The following USP34 variants were observed in gnomAD, a reference collection of about 807,000 sequenced individuals.
The protein encoded by USP34 is ubiquitin carboxyl-terminal hydrolase 34.
A neutral mutation model predicts 460.3 loss-of-function variants in USP34; 70 were observed. The observed-to-expected ratio is 0.15, with a 90% confidence interval of 0.13 to 0.19. USP34 has a LOEUF of 0.19. Among genes scored for constraint, USP34 ranks in the 10% least tolerant of loss-of-function variants. The pLI, the probability that USP34 is intolerant of heterozygous loss-of-function variation, is 1.00. For missense variants in USP34, 3,985 were observed against 4,236.2 expected (o/e 0.94, Z 1.65); for synonymous variants, 1,647 against 1,405.3 (o/e 1.17, Z -3.85).
At chr2:61,254,476 A>T (rs1400027283) in intron 48 of USP34, among the ~76,000 whole-genome samples, 1 of 152,240 alleles carries the variant, frequency 6.6e-6, no homozygotes, top group Non-Finnish European at 1.5e-5. Context: ...TACACTACTT[A>T]AAAATGCAGG....
chr2:61,391,231 A>G (rs1693335895), intron 5 of USP34, among the ~76,000 whole-genome samples: 1 of 152,176 alleles, frequency 6.6e-6, no homozygotes, highest in African/African-American at 2.4e-5. Context: ...GGATCATTTG[A>G]GCCCAGGAGT....
At position 61,333,892 on chromosome 2, in the gene USP34, A is replaced by G. The variant is rs1274349176; in HGVS notation, c.2824T>C (p.Trp942Arg). 1 of 1,569,278 alleles carries G rather than the reference A, an allele frequency of 6.4e-7. No homozygotes were observed. The highest frequency in any genetic ancestry group is 8.6e-7 in the Non-Finnish European group (1 of 1,157,706). ...QQFGSSYDTH[W>R]ITMWAEKELN... ...CTTTTATTTACTTACATTGTTATCC[A>G]GTGTGTATCGTAACTGCTCCCAAAC... The change falls in exon 19 of 80, where the codon TGG (tryptophan) becomes CGG (arginine). Residue 942 changes from tryptophan (W) to arginine (R), a missense_variant. By Grantham distance (101) the Trp-to-Arg change is moderately radical (BLOSUM62 -3). Around this residue, in one of 14 missense-constraint regions of USP34, gnomAD observed 1,114 missense variants for 1,122.5 expected, o/e 0.99. Transcript: ENST00000398571.
intron 5 of USP34, among the ~76,000 whole-genome samples, chr2:61,389,663 T>G (rs1284066688): frequency 6.6e-6 from 1 of 152,162 alleles, no homozygotes; most frequent in Non-Finnish European, 1.5e-5. Context: ...TCAGCATTCT[T>G]TAACACTACT....
At position 61,380,247 on chromosome 2, in the gene USP34, T is replaced by C; in HGVS notation, c.936A>G (p.Lys312=). 1 of 1,614,174 alleles carries C rather than the reference T, an allele frequency of 6.2e-7. No individual in the cohort carries two copies. Among genetic ancestry groups the C allele is most frequent in the South Asian group, 1.1e-5 (1 of 91,078 alleles). The part of the protein sequence containing the change: ...EPLDTTLCFD[K]ESLDLAFKYF... ...ACTTAAATGCAAGATCTAGGCTTTC[T>C]TTATCAAAGCATAATGTTGTATCCA... The change falls in exon 7 of 80, where the codon AAA becomes AAG. Residue 312 remains lysine (K), a synonymous_variant. Coordinates refer to ENST00000398571, the MANE Select transcript of USP34 (RefSeq NM_014709.4).
chr2:61,404,717 C>T (rs931264785), intron 3 of USP34, among the ~76,000 whole-genome samples: 12 of 152,132 alleles, frequency 7.9e-5, no homozygotes, highest in African/African-American at 2.9e-4. Context: ...ATAACTCAGC[C>T]TACACAAAAC....
intron 10 of USP34, among the ~76,000 whole-genome samples, chr2:61,367,012 G>A (rs773356068): frequency 1.3e-4 from 20 of 152,134 alleles, no homozygotes; most frequent in Non-Finnish European, 7.4e-5. Flanking sequence ...CTCCACCACC[G>A]TACTCTAGCC....
At chr2:61,273,538 G>A (rs1370821876) in intron 41 of USP34, among the ~76,000 whole-genome samples, 1 of 152,184 alleles carries the variant, frequency 6.6e-6, no homozygotes, top group African/African-American at 2.4e-5. Flanking sequence ...GACCAACATG[G>A]TGAAACCCTT....
Position 61,221,554 on chromosome 2 carries a change from C to T in USP34, c.7847G>A (p.Gly2616Glu), listed in dbSNP as rs1687585302. The change falls in exon 66 of 80, where the codon GGA becomes GAA. Residue 2616 changes from glycine to glutamate, a missense_variant. By Grantham distance (98) the Gly-to-Glu change is moderately conservative. Coordinates refer to ENST00000398571, the MANE Select transcript of USP34 (RefSeq NM_014709.4). ...TGCAAAGGGAGGCATTCCTGGAGGT[C>T]CACCAGCAAACTCCATTAGCATAGT... is the stretch of plus-strand genomic sequence containing the variant. ...LLTMLMEFAGGPPGMPPFASY... is the reference protein window; with the variant it reads ...LLTMLMEFAGEPPGMPPFASY... The T allele has an allele frequency of 5.6e-6, 9 of 1,614,080 alleles. No homozygotes were observed. Among genetic ancestry groups the T allele is most frequent in the Non-Finnish European group, 6.8e-6 (8 of 1,179,962 alleles).
chr2:61,305,126 C>G (rs1396012975), intron 27 of USP34, among the ~76,000 whole-genome samples: 1 of 152,114 alleles, frequency 6.6e-6, no homozygotes, highest in Non-Finnish European at 1.5e-5. Context: ...GAGCTCGAGA[C>G]CAGCCTGGCC....
intron 1 of USP34, among the ~76,000 whole-genome samples, chr2:61,445,110 C>A (rs1695071538): frequency 6.8e-6 from 1 of 147,944 alleles, no homozygotes; most frequent in African/African-American, 2.5e-5. Flanking sequence ...TAAAAATGAA[C>A]TTTAGAAAAC....
At chr2:61,313,548 T>C (rs961208731) in intron 25 of USP34, among the ~76,000 whole-genome samples, 1 of 152,136 alleles carries the variant, frequency 6.6e-6, no homozygotes, top group Non-Finnish European at 1.5e-5. Context: ...CAGTGTAATA[T>C]CTGAATTTTA....
At position 61,349,274 on chromosome 2, in the gene USP34, GCTC is replaced by G; in HGVS notation, c.1516_1518del (p.Glu506del). The G allele has an allele frequency of 6.2e-7, 1 of 1,613,322 alleles. No homozygotes were observed. The highest frequency in any genetic ancestry group is 8.5e-7 in the Non-Finnish European group (1 of 1,179,742). ...CAAGGTGATGGAGCTGTTCTTCTAA[GCTC>G]TTCTTCCTCTGAAGGAAAAGGAAAA... On this transcript the variant is annotated inframe_deletion, in exon 13 of 80. Coordinates refer to ENST00000398571, the MANE Select transcript of USP34 (RefSeq NM_014709.4).
rs771482565 is a variant in USP34 at position 61,470,701 on chromosome 2, C to G, written c.-9G>C. 6.9e-6 allele frequency: 11 copies of G among 1,590,334 alleles called. No homozygotes were observed. The highest frequency in any genetic ancestry group is 9.4e-6 in the Non-Finnish European group (11 of 1,168,266). On this transcript the variant is annotated 5_prime_UTR_variant, in exon 1 of 80. Transcript: ENST00000398571. ...GCGCAGTTCTCGCACATCGTTCGGCCGCCGCCCCCCCCCTCCCCCGCTTCG... is the reference window on the plus strand; with the variant it reads ...GCGCAGTTCTCGCACATCGTTCGGCGGCCGCCCCCCCCCTCCCCCGCTTCG...
At chr2:61,395,270 C>G in intron 3 of USP34, 37 bp from the exon 4 acceptor site, 1 of 1,167,268 alleles carries the variant, frequency 8.6e-7, no homozygotes, top group Non-Finnish European at 1.2e-6. Flanking sequence ...AATTAGGTTA[C>G]AACTACTAAC....
chr2:61,336,083 C>T (rs1194283259), intron 18 of USP34, among the ~76,000 whole-genome samples: 1 of 151,688 alleles, frequency 6.6e-6, no homozygotes, highest in East Asian at 1.9e-4. Flanking sequence ...ACGTGAAATG[C>T]CATATATAAT....
intron 3 of USP34, among the ~76,000 whole-genome samples, chr2:61,401,684 G>A (rs1208681142): frequency 1.3e-5 from 2 of 149,912 alleles, no homozygotes; most frequent in Non-Finnish European, 3.0e-5. Context: ...GAGTAGCTGG[G>A]ACTACAGGCA....
intron 43 of USP34, 76 bp from the exon 44 acceptor site, chr2:61,259,852 T>C: frequency 7.3e-7 from 1 of 1,367,750 alleles, no homozygotes; most frequent in Non-Finnish European, 1.0e-6. Flanking sequence ...AAAGAAAGTC[T>C]TGCAATGTAC....
intron 27 of USP34, among the ~76,000 whole-genome samples, chr2:61,308,289 T>A (rs553122211): frequency 6.6e-6 from 1 of 152,142 alleles, no homozygotes; most frequent in African/African-American, 2.4e-5. Context: ...AAGAAAAATG[T>A]TAATCTCAAA....
chr2:61,288,038 G>T (rs1051635136), intron 34 of USP34, among the ~76,000 whole-genome samples: 12 of 152,154 alleles, frequency 7.9e-5, no homozygotes, highest in Admixed American at 6.5e-5. Context: ...TCTTCTGTCA[G>T]CATTTATCTA....
Sources: gnomAD v4.1 joint callset for allele counts (sites outside exome capture counted in the v4.1 genomes callset) on GRCh38, gnomAD v4.1.1 for gene constraint, gnomAD v4.1.1 regional missense constraint, MANE v1.5 for transcripts, NCBI Gene and HGNC (gene_info 2026-07-23, HGNC 2026-07-21) for gene names.